VAMP7: variants seen among roughly 807,000 people sequenced by gnomAD.
The protein encoded by VAMP7 is vesicle-associated membrane protein 7.
In VAMP7, 14 loss-of-function variants were observed where a neutral mutation model predicts 29.6. The observed-to-expected ratio is 0.47, with a 90% confidence interval of 0.31 to 0.74. The LOEUF (loss-of-function observed/expected upper bound fraction) is 0.74. VAMP7 is among the 30% of genes least tolerant of loss of function. The probability of loss-of-function intolerance (pLI) is 0.05; values close to 1 mark genes in which losing one functional copy is unlikely to be tolerated. For synonymous variants in VAMP7, 95 were observed against 88.1 expected (o/e 1.08, Z -0.44); for missense variants, 223 against 262.4 (o/e 0.85, Z 1.04).
chrX:155,943,180 C>G lies in VAMP7; in HGVS notation c.*1229C>G, dbSNP rs2066772330. On this transcript the variant is annotated 3_prime_UTR_variant, in exon 8 of 8. Coordinates refer to ENST00000286448, the MANE Select transcript of VAMP7 (RefSeq NM_005638.6). ...ATCTGAAAGGAAGACATTTTCTACC[C>G]TAGATCCAATTGCATTTATTTATCA... is the stretch of plus-strand genomic sequence containing the variant. The G allele has an allele frequency of 1.3e-5, 2 of 148,914 alleles. No homozygotes were observed. Among genetic ancestry groups the G allele is most frequent in the African/African-American group, 2.5e-5 (1 of 40,084 alleles). 9.2% of individuals were successfully genotyped at this position (148,914 alleles called of 1,614,324 possible).
Position 155,898,109 on chromosome X carries a change from C to T in VAMP7, c.205-3C>T. 6.2e-7 allele frequency: 1 copy of T among 1,609,840 alleles called. No homozygotes were observed. The highest frequency in any genetic ancestry group is 8.5e-7 in the Non-Finnish European group (1 of 1,178,068). On this transcript the variant is annotated splice_region_variant and splice_polypyrimidine_tract_variant and intron_variant, in intron 3 of 7. Coordinates refer to ENST00000286448, the MANE Select transcript of VAMP7 (RefSeq NM_005638.6). Reference sequence around the variant, plus strand: ...TGTGAGTTCTGTGTTGATCTCTTTTCAGGATTTTGAACGTTCCCGAGCCTT... The same window carrying T: ...TGTGAGTTCTGTGTTGATCTCTTTTTAGGATTTTGAACGTTCCCGAGCCTT...
At chrX:155,938,736 A>G (rs1375371794) in intron 6 of VAMP7, among the ~76,000 whole-genome samples, 2 of 152,296 alleles carry the variant, frequency 1.3e-5, no homozygotes, top group East Asian at 1.9e-4. Context: ...GGATCGTTTG[A>G]GCCCAGGAGG....
At chrX:155,925,863 C>T (rs750651265) in intron 6 of VAMP7, among the ~76,000 whole-genome samples, 2 of 152,158 alleles carry the variant, frequency 1.3e-5, no homozygotes, top group Non-Finnish European at 2.9e-5. Flanking sequence ...ATTTGGAGGC[C>T]CCAAGATTTA....
At chrX:155,890,682 G>T (rs1186702919) in intron 2 of VAMP7, among the ~76,000 whole-genome samples, 1 of 152,066 alleles carries the variant, frequency 6.6e-6, no homozygotes, top group Non-Finnish European at 1.5e-5. Context: ...TTTTGCTTTA[G>T]AAAGATCACT....
In VAMP7 at chrX:155,889,522, C is replaced by G. The variant is rs1009943478; in HGVS notation, c.56C>G (p.Ala19Gly). 1.2e-6 allele frequency: 2 copies of G among 1,613,744 alleles called. No individual in the cohort carries two copies. Among genetic ancestry groups the G allele is most frequent in the African/African-American group, 2.7e-5 (2 of 74,892 alleles). The change falls in exon 2 of 8, where the codon GCT becomes GGT. Residue 19 changes from alanine to glycine, a missense_variant. By Grantham distance (60) the Ala-to-Gly change is moderately conservative. Transcript: ENST00000286448. ...ARGTTILAKH[A>G]WCGGNFLEVT... ...GGGACCACTATCCTTGCCAAACATG[C>G]TTGGTGTGGAGGAAACTTCCTGGAG...
rs1294099208 is a variant in VAMP7 at position 155,912,170 on chromosome X, TTTTTTGAGAG to T, written c.434-7637_434-7628del. 1.8e-4 allele frequency among the ~76,000 whole-genome samples: 28 copies of T among 152,212 alleles called. No individual in the cohort carries two copies. In the South Asian group the frequency reaches 5.8e-3, roughly 32 times the overall value. On this transcript the variant is annotated intron_variant, in intron 5 of 7. Coordinates refer to ENST00000286448, the MANE Select transcript of VAMP7 (RefSeq NM_005638.6). ...TGAGGGATATTCCTTCTATGCCTAGTTTTTTGAGAGTTTTTATCATGAAGAGATGTTGAAT... is the reference window on the plus strand; with the variant it reads ...TGAGGGATATTCCTTCTATGCCTAGTTTTTTATCATGAAGAGATGTTGAAT...
At chrX:155,934,598 G>A (rs1436342571) in intron 6 of VAMP7, among the ~76,000 whole-genome samples, 1 of 152,050 alleles carries the variant, frequency 6.6e-6, no homozygotes, top group Admixed American at 6.6e-5. Context: ...GTGTGTCTCT[G>A]CACATGAGAT....
At chrX:155,889,376 A>G (rs775099795) in intron 1 of VAMP7, 82 bp from the exon 2 acceptor site, 5 of 1,523,114 alleles carry the variant, frequency 3.3e-6, no homozygotes, top group African/African-American at 1.4e-5. Context: ...TCCAGGTAGT[A>G]TGTTGATAAA....
At chrX:155,899,169 G>C (rs2066026245) in intron 4 of VAMP7, among the ~76,000 whole-genome samples, 1 of 151,626 alleles carries the variant, frequency 6.6e-6, no homozygotes, top group African/African-American at 2.4e-5. Flanking sequence ...GAATGGAATT[G>C]CTGGGTCATA....
rs1476824921 is a variant in VAMP7 at position 155,943,236 on chromosome X, A to AT, written c.*1289dup. 1 of 151,476 alleles carries AT rather than the reference A, an allele frequency of 6.6e-6. No individual in the cohort carries two copies. The highest frequency in any genetic ancestry group is 1.5e-5 in the Non-Finnish European group (1 of 67,854). The allele number at this position is 151,476 out of a possible 1,614,324, so 9.4% of individuals were successfully genotyped here. The stretch of plus-strand genomic sequence containing the variant: ...TGCCATTAAATTGAAATTATATTAC[A>AT]TTTTACACTTTCTCAATGAATGAAC... On this transcript the variant is annotated 3_prime_UTR_variant, in exon 8 of 8. Transcript: ENST00000286448.
chrX:155,895,736 G>A, intron 3 of VAMP7, 56 bp downstream of exon 3: 2 of 1,511,568 alleles, frequency 1.3e-6, no homozygotes, highest in Middle Eastern at 1.8e-4. Flanking sequence ...AATACAGCCA[G>A]TTCTTAATTA....
At chrX:155,919,566 A>G (rs1248472275) in intron 5 of VAMP7, among the ~76,000 whole-genome samples, 1 of 152,058 alleles carries the variant, frequency 6.6e-6, no homozygotes, top group East Asian at 1.9e-4. Flanking sequence ...AGCATCATCA[A>G]CCATGTCTGT....
At chrX:155,908,653 A>G (rs2066188275) in intron 5 of VAMP7, among the ~76,000 whole-genome samples, 1 of 152,088 alleles carries the variant, frequency 6.6e-6, no homozygotes, top group Admixed American at 6.5e-5. Flanking sequence ...GGCTCATAGA[A>G]TGAGTCAAGA....
At chrX:155,921,512 T>G (rs373739596) in intron 6 of VAMP7, among the ~76,000 whole-genome samples, 4 of 152,166 alleles carry the variant, frequency 2.6e-5, no homozygotes, top group African/African-American at 9.6e-5. Context: ...CTCACTGTTA[T>G]GCCTGTGAAA....
chrX:155,927,226 G>C (rs1266788209), intron 6 of VAMP7, among the ~76,000 whole-genome samples: 1 of 151,888 alleles, frequency 6.6e-6, no homozygotes, highest in Non-Finnish European at 1.5e-5. Flanking sequence ...GTCGGGGAGT[G>C]GGGGCTAGGG....
At chrX:155,907,444 G>T (rs1014414674) in intron 5 of VAMP7, among the ~76,000 whole-genome samples, 8 of 151,728 alleles carry the variant, frequency 5.3e-5, no homozygotes, top group African/African-American at 1.9e-4. Context: ...TTGTGTCCCT[G>T]GGTACTTGAG....
intron 2 of VAMP7, among the ~76,000 whole-genome samples, chrX:155,894,360 C>T (rs1469966991): frequency 6.7e-6 from 1 of 149,132 alleles, no homozygotes; most frequent in Non-Finnish European, 1.5e-5. Flanking sequence ...TGATCACACC[C>T]TCCCTAGGCT....
At position 155,898,127 on chromosome X, in the gene VAMP7, C is replaced by T. The variant is rs756855221; in HGVS notation, c.220C>T (p.Arg74Ter). The change falls in exon 4 of 8, where the codon CGA becomes TGA. Residue 74 changes from arginine (R) to a stop codon, truncating the protein, a stop_gained. Transcript: ENST00000286448. LOFTEE classifies it high-confidence loss of function. ...CITDDDFERS[R>*]AFNFLNEIKK... ...CTCTTTTCAGGATTTTGAACGTTCC[C>T]GAGCCTTTAATTTTCTGAATGAGAT... 8.1e-6 allele frequency: 13 copies of T among 1,611,220 alleles called. No homozygotes were observed. Among genetic ancestry groups the T allele is most frequent in the South Asian group, 1.1e-5 (1 of 90,778 alleles).
At chrX:155,888,292 A>G (rs2065888919) in intron 1 of VAMP7, among the ~76,000 whole-genome samples, 1 of 152,182 alleles carries the variant, frequency 6.6e-6, no homozygotes, top group East Asian at 1.9e-4. Flanking sequence ...GTTTGTGTGA[A>G]TCACCTGCAT....
Sources: gnomAD v4.1 joint callset for allele counts (sites outside exome capture counted in the v4.1 genomes callset) on GRCh38, gnomAD v4.1.1 for gene constraint, MANE v1.5 for transcripts, NCBI Gene and HGNC (gene_info 2026-07-23, HGNC 2026-07-21) for gene names.